Variants in FOXJ3 observed in about 807,000 individuals in gnomAD.
The protein encoded by FOXJ3 is forkhead box protein J3.
A neutral mutation model predicts 76.1 loss-of-function variants in FOXJ3; 22 were observed. The ratio of observed to expected loss-of-function variants is 0.29; its 90% CI spans 0.21 to 0.41. The LOEUF (loss-of-function observed/expected upper bound fraction) is 0.41, where lower values mean the gene tolerates loss of function less well. FOXJ3 is among the 10% of genes least tolerant of loss of function. The probability of loss-of-function intolerance (pLI) is 1.00; values close to 1 mark genes in which losing one functional copy is unlikely to be tolerated. For synonymous variants in FOXJ3, 269 were observed against 261.2 expected (o/e 1.03, Z -0.29); for missense variants, 613 against 762.1 (o/e 0.80, Z 2.30).
intron 1 of FOXJ3, among the ~76,000 whole-genome samples, chr1:42,313,770 C>G (rs951687160): frequency 2.6e-5 from 4 of 152,122 alleles, no homozygotes; most frequent in Non-Finnish European, 5.9e-5. Flanking sequence ...GCCTCTGGGT[C>G]ATGGTTTCGT....
chr1:42,281,376 G>C (rs531729769), intron 2 of FOXJ3, among the ~76,000 whole-genome samples: 1 of 151,982 alleles, frequency 6.6e-6, no homozygotes, highest in Non-Finnish European at 1.5e-5. Flanking sequence ...GGGTAAAGAA[G>C]GAAGAACTTA....
At chr1:42,285,564 C>G (rs975840980) in intron 2 of FOXJ3, among the ~76,000 whole-genome samples, 2 of 152,112 alleles carry the variant, frequency 1.3e-5, no homozygotes, top group African/African-American at 4.8e-5. Context: ...AAAATACTCC[C>G]CAAGGCTTAT....
intron 1 of FOXJ3, among the ~76,000 whole-genome samples, chr1:42,312,268 G>A (rs1654859362): frequency 6.6e-6 from 1 of 152,142 alleles, no homozygotes; most frequent in Non-Finnish European, 1.5e-5. Context: ...ATGTTGCCCA[G>A]GCTGATCTTG....
At chr1:42,214,210 C>T (rs544010136) in intron 5 of FOXJ3, among the ~76,000 whole-genome samples, 4 of 151,916 alleles carry the variant, frequency 2.6e-5, no homozygotes, top group Non-Finnish European at 5.9e-5. Context: ...TTCATGAATA[C>T]TTCAGTTTCA....
At chr1:42,289,385 T>C (rs1653270749) in intron 2 of FOXJ3, among the ~76,000 whole-genome samples, 1 of 152,140 alleles carries the variant, frequency 6.6e-6, no homozygotes, top group Non-Finnish European at 1.5e-5. Flanking sequence ...CTCTGAGGAA[T>C]AAATGACAAG....
At chr1:42,208,441 A>G (rs536424668) in intron 5 of FOXJ3, among the ~76,000 whole-genome samples, 1 of 152,214 alleles carries the variant, frequency 6.6e-6, no homozygotes, top group African/African-American at 2.4e-5. Context: ...TAAAAGAATG[A>G]AGGATCATCC....
At chr1:42,255,412 A>C (rs1650503722) in intron 4 of FOXJ3, among the ~76,000 whole-genome samples, 1 of 152,234 alleles carries the variant, frequency 6.6e-6, no homozygotes, top group Admixed American at 6.5e-5. Flanking sequence ...ATAGAATCCT[A>C]TAAACTATCT....
chr1:42,307,864 T>C (rs1654562299), intron 2 of FOXJ3, among the ~76,000 whole-genome samples: 1 of 152,188 alleles, frequency 6.6e-6, no homozygotes, highest in African/African-American at 2.4e-5. Flanking sequence ...TTTTTAATCA[T>C]AAAAATACAG....
intron 2 of FOXJ3, among the ~76,000 whole-genome samples, chr1:42,290,960 C>T (rs1246997791): frequency 1.3e-5 from 2 of 151,730 alleles, no homozygotes; most frequent in Non-Finnish European, 2.9e-5. Context: ...TGTAAAATTC[C>T]AATGACCAAG....
intron 3 of FOXJ3, among the ~76,000 whole-genome samples, chr1:42,268,488 G>A (rs1023128057): frequency 2.0e-5 from 3 of 151,844 alleles, no homozygotes; most frequent in South Asian, 2.1e-4. Context: ...TAAATGAACA[G>A]TGCCGGAAAT....
At chr1:42,280,788 T>C (rs1652652148) in intron 2 of FOXJ3, among the ~76,000 whole-genome samples, 1 of 152,222 alleles carries the variant, frequency 6.6e-6, no homozygotes, top group East Asian at 1.9e-4. Context: ...ATGTAAAGTA[T>C]TCAGAACAGT....
chr1:42,309,001 CAA>C (rs59583552), intron 2 of FOXJ3, among the ~76,000 whole-genome samples: 33 of 103,824 alleles, frequency 3.2e-4, no homozygotes, highest in African/African-American at 1.0e-3. Flanking sequence ...AGTCGTTTTA[CAA>C]AAAAAAAAAA....
At chr1:42,237,319 G>A (rs551856919) in intron 4 of FOXJ3, among the ~76,000 whole-genome samples, 201 of 151,370 alleles carry the variant, frequency 1.3e-3, no homozygotes, top group Non-Finnish European at 1.9e-3. Flanking sequence ...TGCTTGCAGT[G>A]AGCAGAGATC....
intron 2 of FOXJ3, 113 bp downstream of exon 2, chr1:42,310,937 G>A (rs1253652810): frequency 4.7e-6 from 3 of 634,850 alleles, no homozygotes; most frequent in Non-Finnish European, 5.3e-6. Flanking sequence ...GACAAAACAA[G>A]CTACAATATT....
chr1:42,329,754 T>C (rs2124795271), intron 1 of FOXJ3, among the ~76,000 whole-genome samples: 1 of 152,364 alleles, frequency 6.6e-6, no homozygotes, highest in African/African-American at 2.4e-5. Flanking sequence ...CACTGTAGTG[T>C]TAAGTCCACT....
At chr1:42,183,624 T>C (rs1421299757) in intron 11 of FOXJ3, among the ~76,000 whole-genome samples, 1 of 152,046 alleles carries the variant, frequency 6.6e-6, no homozygotes, top group East Asian at 1.9e-4. Flanking sequence ...TTATCTACTA[T>C]TTCATGTAAA....
At chr1:42,253,998 A>G (rs953377602) in intron 4 of FOXJ3, among the ~76,000 whole-genome samples, 2 of 151,084 alleles carry the variant, frequency 1.3e-5, no homozygotes, top group East Asian at 1.9e-4. Context: ...CTGCACAGCA[A>G]AAGAAACTAC....
intron 11 of FOXJ3, among the ~76,000 whole-genome samples, chr1:42,182,768 G>A (rs988407673): frequency 1.3e-5 from 2 of 152,014 alleles, no homozygotes; most frequent in Non-Finnish European, 2.9e-5. Flanking sequence ...AAAGTGCTGG[G>A]ATTATAGGCA....
At chr1:42,201,275 G>A (rs1646759894) in intron 6 of FOXJ3, among the ~76,000 whole-genome samples, 1 of 152,178 alleles carries the variant, frequency 6.6e-6, no homozygotes, top group Admixed American at 6.5e-5. Context: ...CCAACACGAT[G>A]TCAAATAAAA....
Sources: gnomAD v4.1 joint callset for allele counts (sites outside exome capture counted in the v4.1 genomes callset) on GRCh38, gnomAD v4.1.1 for gene constraint, MANE v1.5 for transcripts, NCBI Gene and HGNC (gene_info 2026-07-23, HGNC 2026-07-21) for gene names.